Variants in BMPER observed in about 807,000 individuals in gnomAD.
BMPER encodes BMP-binding endothelial regulator protein.
A neutral mutation model predicts 87.3 loss-of-function variants in BMPER; 45 were observed. The ratio of observed to expected loss-of-function variants is 0.52; its 90% CI spans 0.41 to 0.66. The LOEUF is 0.66. Ranked by LOEUF, BMPER falls within the 30% of genes least tolerant of loss-of-function variation. BMPER has a pLI of 0.00. For synonymous variants in BMPER, 326 were observed against 316.2 expected, an observed-to-expected ratio of 1.03 and a Z score of -0.33; for missense variants, 784 against 867.5, an observed-to-expected ratio of 0.90 and a Z score of 1.21.
intron 6 of BMPER, among the ~76,000 whole-genome samples, chr7:34,010,703 G>A (rs770688047): frequency 4.0e-5 from 6 of 151,806 alleles, no homozygotes; most frequent in Non-Finnish European, 7.4e-5. Context: ...CATGAGTTTC[G>A]TAATGTAACT....
At chr7:34,079,574 C>T (rs1303975562) in intron 12 of BMPER, among the ~76,000 whole-genome samples, 1 of 152,164 alleles carries the variant, frequency 6.6e-6, no homozygotes, top group African/African-American at 2.4e-5. Context: ...TGTCTCCCAG[C>T]TCAGCTAGCT....
At chr7:34,008,181 G>A (rs1200012034) in intron 6 of BMPER, among the ~76,000 whole-genome samples, 3 of 151,930 alleles carry the variant, frequency 2.0e-5, no homozygotes, top group Non-Finnish European at 2.9e-5. Flanking sequence ...TGGTACTTAA[G>A]TTATATGTAT....
chr7:34,153,007 T>C (rs2127997330), intron 14 of BMPER, 85 bp from the exon 15 acceptor site: 4 of 1,492,990 alleles, frequency 2.7e-6, no homozygotes, highest in African/African-American at 1.4e-5. Context: ...TGAAGTGTCA[T>C]GAGCCTGCAA....
chr7:34,058,431 G>C (rs1030897129), intron 10 of BMPER, among the ~76,000 whole-genome samples: 1 of 152,176 alleles, frequency 6.6e-6, no homozygotes, highest in East Asian at 1.9e-4. Flanking sequence ...ACTCCTGCAA[G>C]ATCTCTTTCT....
chr7:34,141,401 G>A (rs1790865437), intron 13 of BMPER, among the ~76,000 whole-genome samples: 1 of 152,000 alleles, frequency 6.6e-6, no homozygotes, highest in Non-Finnish European at 1.5e-5. Flanking sequence ...TCTGAGGTCA[G>A]GAGTTCGAGA....
At chr7:33,932,682 C>G (rs1784510607) in intron 2 of BMPER, among the ~76,000 whole-genome samples, 1 of 152,220 alleles carries the variant, frequency 6.6e-6, no homozygotes, top group Non-Finnish European at 1.5e-5. Context: ...CTCCACTACC[C>G]TCATCATATT....
At chr7:33,917,875 T>A (rs1784124838) in intron 2 of BMPER, among the ~76,000 whole-genome samples, 1 of 152,306 alleles carries the variant, frequency 6.6e-6, no homozygotes, top group Middle Eastern at 3.4e-3. Flanking sequence ...ACTGGCCTCT[T>A]TGGCTGTGGG....
chr7:34,006,595 G>A (rs1786739542), intron 6 of BMPER, among the ~76,000 whole-genome samples: 1 of 152,044 alleles, frequency 6.6e-6, no homozygotes, highest in African/African-American at 2.4e-5. Flanking sequence ...AGGAGCAGGA[G>A]GTGCTTTTTA....
intron 3 of BMPER, among the ~76,000 whole-genome samples, chr7:33,956,009 TAGAC>T (rs886820880): frequency 6.6e-6 from 1 of 151,168 alleles, no homozygotes; most frequent in Non-Finnish European, 1.5e-5. Flanking sequence ...GAGCTGTTCA[TAGAC>T]AGACAAACAA....
At chr7:34,003,640 T>C (rs1786648977) in intron 6 of BMPER, among the ~76,000 whole-genome samples, 1 of 152,118 alleles carries the variant, frequency 6.6e-6, no homozygotes, top group Admixed American at 6.5e-5. Flanking sequence ...TTAATTTTTA[T>C]TTACTTGGTA....
intron 2 of BMPER, among the ~76,000 whole-genome samples, chr7:33,927,514 C>T (rs1220716789): frequency 2.6e-5 from 4 of 152,160 alleles, no homozygotes; most frequent in Non-Finnish European, 5.9e-5. Context: ...TTAAAAGGTC[C>T]ATTGAGTCAT....
At chr7:34,045,573 G>A (rs966295728) in intron 6 of BMPER, among the ~76,000 whole-genome samples, 3 of 152,182 alleles carry the variant, frequency 2.0e-5, no homozygotes, top group Admixed American at 6.5e-5. Flanking sequence ...TCTCCAAATA[G>A]GTTTCTGAGA....
chr7:34,003,460 A>C (rs904397010), intron 6 of BMPER, among the ~76,000 whole-genome samples: 2 of 151,962 alleles, frequency 1.3e-5, no homozygotes, highest in African/African-American at 4.8e-5. Context: ...GTTTTGTATT[A>C]TGCAGTTTCC....
At chr7:33,914,098 G>T (rs1358594619) in intron 2 of BMPER, among the ~76,000 whole-genome samples, 1 of 151,552 alleles carries the variant, frequency 6.6e-6, no homozygotes, top group Non-Finnish European at 1.5e-5. Context: ...GAGTAGCTGG[G>T]ACTACAGGCG....
intron 3 of BMPER, among the ~76,000 whole-genome samples, chr7:33,945,649 T>C (rs1272390060): frequency 6.6e-6 from 1 of 152,058 alleles, no homozygotes; most frequent in Non-Finnish European, 1.5e-5. Context: ...GCACTGTGGA[T>C]TGTGAGGTGT....
At chr7:33,929,145 C>T (rs913174178) in intron 2 of BMPER, among the ~76,000 whole-genome samples, 7 of 151,918 alleles carry the variant, frequency 4.6e-5, no homozygotes, top group East Asian at 3.9e-4. Context: ...CCGGAGGAGG[C>T]GTGTTTGCCA....
At position 34,143,519 on chromosome 7, in the gene BMPER, C is replaced by G. The variant is rs142850599; in HGVS notation, c.1876+159C>G. Among the ~76,000 whole-genome samples the G allele has an allele frequency of 3.6e-3, 547 of 152,326 alleles. 4 individuals carry two copies. Among genetic ancestry groups the G allele is most frequent in the African/African-American group, 0.012 (518 of 41,572 alleles). ...ATCTGGATTGCTACTTGATAAAACA[C>G]AGGGACTTCCCACTGGGCAAGGTAG... is the stretch of plus-strand genomic sequence containing the variant. On this transcript the variant is annotated intron_variant, in intron 14 of 14. Coordinates refer to ENST00000649409, the MANE Select transcript of BMPER (RefSeq NM_001365308.1).
At chr7:34,059,293 C>G (rs561401406) in intron 10 of BMPER, among the ~76,000 whole-genome samples, 1 of 152,058 alleles carries the variant, frequency 6.6e-6, no homozygotes, top group South Asian at 2.1e-4. Context: ...CCTGGTGGCT[C>G]AAGTAACTAG....
At chr7:34,130,756 A>G (rs1249167955) in intron 13 of BMPER, among the ~76,000 whole-genome samples, 1 of 152,194 alleles carries the variant, frequency 6.6e-6, no homozygotes, top group African/African-American at 2.4e-5. Context: ...AACCTTATCT[A>G]GACTGGGGAT....
Sources: allele counts gnomAD v4.1 joint callset (sites outside exome capture counted in the v4.1 genomes callset), GRCh38; gene constraint gnomAD v4.1.1; transcripts MANE v1.5; gene names NCBI Gene and HGNC (gene_info 2026-07-23, HGNC 2026-07-21).